DMTN: variants seen among roughly 807,000 people sequenced by gnomAD.
DMTN encodes the protein dematin.
Under a neutral mutation model 59.4 loss-of-function variants are expected in DMTN, and 27 were observed. That is an observed-to-expected ratio of 0.45 (90% CI 0.33 to 0.63). The LOEUF is 0.63. Ranked by LOEUF, DMTN falls within the 20% of genes least tolerant of loss-of-function variation. The pLI is 0.02. For missense variants in DMTN, 451 were observed against 528.9 expected (o/e 0.85, Z 1.45); for synonymous variants, 221 against 203.7 (o/e 1.08, Z -0.72).
At chr8:22,056,402 T>A (rs1192992858), upstream of DMTN, among the ~76,000 whole-genome samples, 1 of 152,116 alleles carries the variant, frequency 6.6e-6, no homozygotes, top group African/African-American at 2.4e-5. Context: ...GTTGCTGCTG[T>A]CAGATGGTGG....
In DMTN at chr8:22,080,196, G is replaced by T; in HGVS notation, c.852G>T (p.Thr284=). 6.2e-7 allele frequency: 1 copy of T among 1,614,186 alleles called. No individual in the cohort carries two copies. Among genetic ancestry groups the T allele is most frequent in the Non-Finnish European group, 8.5e-7 (1 of 1,180,046 alleles). Residue 284 remains threonine, a synonymous_variant, in exon 11 of 16, where the codon ACG becomes ACT. Transcript: ENST00000358242. Reference sequence around the variant, plus strand: ...GTCTTCCAGCCTTGCACCAGGGAACGTCTAAATCTTCCTCTCTCCCCGCCT... The same window carrying T: ...GTCTTCCAGCCTTGCACCAGGGAACTTCTAAATCTTCCTCTCTCCCCGCCT... ...TPFHTSLHQG[T]SKSSSLPAYG... is the part of the protein sequence containing the mutation.
At chr8:22,069,848 T>C in intron 6 of DMTN, 33 bp from the exon 7 acceptor site, 1 of 1,611,434 alleles carries the variant, frequency 6.2e-7, no homozygotes, top group Non-Finnish European at 8.5e-7. Flanking sequence ...GCCATCAGCA[T>C]GTCCTCCTCC....
At chr8:22,067,941 A>T (rs1013220377) in intron 4 of DMTN, among the ~76,000 whole-genome samples, 4 of 152,248 alleles carry the variant, frequency 2.6e-5, no homozygotes, top group Non-Finnish European at 5.9e-5. Flanking sequence ...CACAAAGAGC[A>T]AGATTTGTGG....
Position 22,071,344 on chromosome 8 carries a change from C to T in DMTN, c.605-982C>T, listed in dbSNP as rs151204296. Among the ~76,000 whole-genome samples the T allele has an allele frequency of 2.9e-3, 433 of 151,928 alleles. 5 individuals are homozygous for T. The highest frequency in any genetic ancestry group is 8.8e-3 in the African/African-American group (363 of 41,404). ...AACTCCTGACCTCCAGTGATCCACC[C>T]GCCTGTCTCCCAAACTGCTGGGATT... On this transcript the variant is annotated intron_variant, in intron 8 of 15. Coordinates refer to ENST00000358242, the MANE Select transcript of DMTN (RefSeq NM_001387751.1).
chr8:22,069,668 G>A (rs1813667869), intron 6 of DMTN, 150 bp downstream of exon 6: 9 of 887,638 alleles, frequency 1.0e-5, no homozygotes, highest in Non-Finnish European at 1.2e-5. Context: ...CCCAGAGATG[G>A]GAGACCTGTC....
rs1025216014 is a variant in DMTN, at chr8:22,060,242, G to T, written c.-172+3106G>T. 6.6e-6 allele frequency among the ~76,000 whole-genome samples: 1 copy of T among 152,182 alleles called. No homozygotes were observed. The highest frequency in any genetic ancestry group is 1.5e-5 in the Non-Finnish European group (1 of 68,036). On this transcript the variant is annotated intron_variant, in intron 1 of 15. Coordinates refer to ENST00000358242, the MANE Select transcript of DMTN (RefSeq NM_001387751.1). This position sits in a 1 kb window ranked among gnomAD's most constrained non-coding sequence, Gnocchi z 5.0. ...GACCTTGGGGATGCAGGCACAGACA[G>T]GCGGGGTGCATGGATGGGAGAGGGG...
intron 1 of DMTN, among the ~76,000 whole-genome samples, chr8:22,064,092 G>A (rs116896296): frequency 0.012 from 1,789 of 152,156 alleles, 32 homozygotes; most frequent in Non-Finnish European, 0.013. Flanking sequence ...ATGCAGGGAC[G>A]GATGGATGGA....
rs368214345 is a variant in DMTN, at chr8:22,073,857, C to T, written c.835+22C>T. 14 of 1,601,906 alleles carry T rather than the reference C, an allele frequency of 8.7e-6. No individual in the cohort carries two copies. The African/African-American group carries it at 1.9e-4, about 21-fold the overall frequency. The stretch of plus-strand genomic sequence containing the variant: ...ACCTGTGAGTGCTGTGGAGGGGGCT[C>T]AGAGTCACCTGGCCAGAGATGGAGG... On this transcript the variant is annotated intron_variant, in intron 10 of 15. Coordinates refer to ENST00000358242, the MANE Select transcript of DMTN (RefSeq NM_001387751.1).
chr8:22,072,491 G>A, intron 9 of DMTN, 41 bp downstream of exon 9: 3 of 1,521,730 alleles, frequency 2.0e-6, no homozygotes, highest in Non-Finnish European at 2.7e-6. Flanking sequence ...CTGTGCAGGA[G>A]TCTCGCTCTG....
At chr8:22,056,209 C>T (rs1802493703), upstream of DMTN, among the ~76,000 whole-genome samples, 1 of 152,132 alleles carries the variant, frequency 6.6e-6, no homozygotes, top group Non-Finnish European at 1.5e-5. Flanking sequence ...TTCTCTCTCT[C>T]TGCTGCATCC....
Position 22,067,723 on chromosome 8 carries a change from C to A in DMTN, c.249+41C>A, listed in dbSNP as rs763244118. 3.1e-6 allele frequency: 5 copies of A among 1,605,394 alleles called. No homozygotes were observed. In the Admixed American group the frequency reaches 8.4e-5, roughly 27 times the overall value. ...TTGGGCAGGACTCCGGGGGAGGCCCCCCCCAGCCACACTGGGTGGGGACCG... is the reference window on the plus strand; with the variant it reads ...TTGGGCAGGACTCCGGGGGAGGCCCACCCCAGCCACACTGGGTGGGGACCG... On this transcript the variant is annotated intron_variant, in intron 4 of 15. Transcript: ENST00000358242.
At chr8:22,057,469 G>T (rs1372458906) in intron 1 of DMTN, among the ~76,000 whole-genome samples, 1 of 152,208 alleles carries the variant, frequency 6.6e-6, no homozygotes, top group Non-Finnish European at 1.5e-5. Flanking sequence ...GTGGGCAGGG[G>T]AGCATTCCCT....
chr8:22,053,847 C>T (rs1801631190), upstream of DMTN: 1 of 152,290 alleles, frequency 6.6e-6, no homozygotes, highest in African/African-American at 2.4e-5. Context: ...TGAGGAAGCC[C>T]ACCCGCCTGG....
intron 5 of DMTN, 63 bp downstream of exon 5, chr8:22,069,123 C>T (rs1178150675): frequency 2.6e-6 from 4 of 1,560,034 alleles, no homozygotes; most frequent in Non-Finnish European, 3.5e-6. Flanking sequence ...TAACTCCCTC[C>T]CCTCACACAT....
intron 1 of DMTN, among the ~76,000 whole-genome samples, chr8:22,059,833 A>C (rs1805023124): frequency 6.6e-6 from 1 of 152,174 alleles, no homozygotes; most frequent in Non-Finnish European, 1.5e-5. Context: ...CGGAGGCTTC[A>C]TTTCTAAAAG....
rs17854761 is a variant in DMTN, at chr8:22,067,637, C to T, written c.204C>T (p.Phe68=). 6.2e-7 allele frequency: 1 copy of T among 1,614,186 alleles called. No individual in the cohort carries two copies. Among genetic ancestry groups the T allele is most frequent in the Non-Finnish European group, 8.5e-7 (1 of 1,180,042 alleles). The change falls in exon 4 of 16, where the codon TTC becomes TTT. Residue 68 remains phenylalanine, a synonymous_variant. Transcript: ENST00000358242. ...ACCTCATGATCTACGAGCCTCACTT[C>T]ACTTATTCCCTCCTGGAACACGTGG... ...RPDLMIYEPH[F]TYSLLEHVEL...
At chr8:22,061,858 A>G (rs60097258) in intron 1 of DMTN, among the ~76,000 whole-genome samples, 1,805 of 147,876 alleles carry the variant, frequency 0.012, 35 homozygotes, top group African/African-American at 0.043. Context: ...GGCTCAAGTG[A>G]TCCTCCTGCC....
intron 10 of DMTN, among the ~76,000 whole-genome samples, chr8:22,078,898 G>A (rs1821812822): frequency 7.0e-6 from 1 of 142,310 alleles, no homozygotes; most frequent in Admixed American, 7.6e-5. Context: ...CCAGGTTCAC[G>A]CCATTCTCCT....
intron 10 of DMTN, among the ~76,000 whole-genome samples, chr8:22,076,167 T>G (rs891594221): frequency 6.6e-6 from 1 of 152,050 alleles, no homozygotes; most frequent in African/African-American, 2.4e-5. Context: ...CATGTGGGGT[T>G]TGAAGTGCCC....
Sources: allele counts gnomAD v4.1 joint callset (sites outside exome capture counted in the v4.1 genomes callset), GRCh38; gene constraint gnomAD v4.1.1; non-coding constraint Gnocchi (gnomAD v3.1); transcripts MANE v1.5; gene names NCBI Gene and HGNC (gene_info 2026-07-23, HGNC 2026-07-21).